PLCB4: variants seen among roughly 807,000 people sequenced by gnomAD.
PLCB4 encodes phospholipase C beta 4.
In PLCB4, 77 loss-of-function variants were observed where a neutral mutation model predicts 178.8. That is an observed-to-expected ratio of 0.43 (90% CI 0.36 to 0.52). The LOEUF (loss-of-function observed/expected upper bound fraction) is 0.52. PLCB4 is among the 20% of genes least tolerant of loss of function. The pLI, the probability that PLCB4 is intolerant of heterozygous loss-of-function variation, is 0.00. For synonymous variants in PLCB4, 496 were observed against 490.8 expected (o/e 1.01, Z -0.14); for missense variants, 1,024 against 1,453.4 (o/e 0.70, Z 4.80).
chr20:9,112,024 T>A (rs529896288), intron 2 of PLCB4, among the ~76,000 whole-genome samples: 2 of 152,286 alleles, frequency 1.3e-5, no homozygotes, highest in South Asian at 4.1e-4. Flanking sequence ...ATGCCTTACA[T>A]TTAGACCAAA....
chr20:9,344,934 C>A (rs2033639715), intron 7 of PLCB4, among the ~76,000 whole-genome samples: 1 of 152,168 alleles, frequency 6.6e-6, no homozygotes, highest in South Asian at 2.1e-4. Context: ...GTCATATTTA[C>A]CCCAAACCTA....
At chr20:9,435,081 T>A (rs2041677139) in intron 28 of PLCB4, among the ~76,000 whole-genome samples, 1 of 152,250 alleles carries the variant, frequency 6.6e-6, no homozygotes, top group South Asian at 2.1e-4. Flanking sequence ...ATATGTATTA[T>A]CCTTCTGTAT....
At chr20:9,476,676 T>C in intron 38 of PLCB4, 41 bp from the exon 39 acceptor site, 1 of 1,403,846 alleles carries the variant, frequency 7.1e-7, no homozygotes, top group South Asian at 1.2e-5. Context: ...TCGTTTTGTA[T>C]GTATGACTCA....
intron 2 of PLCB4, among the ~76,000 whole-genome samples, chr20:9,127,664 A>G (rs1301050356): frequency 4.0e-5 from 6 of 151,582 alleles, no homozygotes; most frequent in Non-Finnish European, 8.8e-5. Context: ...CTATCTATCT[A>G]TCTATCTATC....
intron 20 of PLCB4, among the ~76,000 whole-genome samples, chr20:9,404,487 C>A (rs1350628614): frequency 6.6e-6 from 1 of 151,906 alleles, no homozygotes; most frequent in East Asian, 1.9e-4. Context: ...CGCCTGTAAT[C>A]CCAGCTACTC....
chr20:9,079,807 G>A (rs1202775740), intron 1 of PLCB4, among the ~76,000 whole-genome samples: 2 of 147,874 alleles, frequency 1.4e-5, no homozygotes, highest in East Asian at 2.0e-4. Context: ...AATTTGTGGT[G>A]GGCCTTAGAG....
chr20:9,347,866 C>T (rs955575062), intron 7 of PLCB4, among the ~76,000 whole-genome samples: 5 of 152,094 alleles, frequency 3.3e-5, no homozygotes, highest in African/African-American at 1.2e-4. Context: ...TCCAGCTACT[C>T]AGGAGACTGA....
chr20:9,072,208 T>G (rs2089609439), intron 1 of PLCB4, among the ~76,000 whole-genome samples: 1 of 152,200 alleles, frequency 6.6e-6, no homozygotes, highest in South Asian at 2.1e-4. Context: ...AGATGTGAAC[T>G]GTGTTTGCAA....
chr20:9,098,741 A>ATGTGTGTGTG (rs35465129), intron 2 of PLCB4, among the ~76,000 whole-genome samples: 9,794 of 135,208 alleles, frequency 0.072, 836 homozygotes, highest in East Asian at 0.37. Flanking sequence ...ATATACATAT[A>ATGTGTGTGTG]TGTGTGTGTG....
intron 21 of PLCB4, among the ~76,000 whole-genome samples, chr20:9,406,058 A>C (rs1408800987): frequency 6.6e-6 from 1 of 152,208 alleles, no homozygotes; most frequent in East Asian, 1.9e-4. Context: ...TTGTGAGTAC[A>C]TTACTCTCTT....
In PLCB4 at chr20:9,338,048, G is replaced by A. The variant is rs369834145; in HGVS notation, c.206G>A (p.Arg69Gln). Residue 69 changes from arginine to glutamine, a missense_variant, in exon 6 of 40, where the codon CGG becomes CAG. By Grantham distance (43) the Arg-to-Gln change is conservative (BLOSUM62 1). This residue lies in a region of PLCB4 where 225 missense variants were observed against 291.0 expected (regional missense o/e 0.77). Transcript: ENST00000378473. ...VLECSLINSI[R>Q]SGAIPKDPKI... ...GAATGCTCCCTCATCAACAGTATTC[G>A]GTCGGGAGCCATACCAAAGGTACCT... 1.6e-5 allele frequency: 25 copies of A among 1,610,964 alleles called. 1 individual carries two copies. Among genetic ancestry groups the A allele is most frequent in the South Asian group, 5.5e-5 (5 of 90,984 alleles).
At chr20:9,248,977 C>T (rs1421558196) in intron 3 of PLCB4, among the ~76,000 whole-genome samples, 1 of 152,186 alleles carries the variant, frequency 6.6e-6, no homozygotes, top group African/African-American at 2.4e-5. Context: ...CCTTTCCTTC[C>T]ATTTCCAGCT....
intron 2 of PLCB4, among the ~76,000 whole-genome samples, chr20:9,125,783 A>G (rs1334320020): frequency 6.6e-6 from 1 of 152,172 alleles, no homozygotes; most frequent in Non-Finnish European, 1.5e-5. Context: ...GTATACACAT[A>G]TAATTATAGT....
intron 1 of PLCB4, among the ~76,000 whole-genome samples, chr20:9,074,553 A>G (rs2089739043): frequency 6.6e-6 from 1 of 152,132 alleles, no homozygotes. Context: ...TTCCTATAAA[A>G]TTTACAAGGG....
intron 3 of PLCB4, among the ~76,000 whole-genome samples, chr20:9,252,450 A>G (rs1421823280): frequency 3.9e-5 from 6 of 152,216 alleles, no homozygotes; most frequent in Admixed American, 6.5e-5. Flanking sequence ...TCTAATTTAG[A>G]TTTAATGTGG....
intron 19 of PLCB4, among the ~76,000 whole-genome samples, chr20:9,400,189 C>T (rs1179076276): frequency 6.6e-6 from 1 of 152,100 alleles, no homozygotes; most frequent in Non-Finnish European, 1.5e-5. Flanking sequence ...AGGAAGGTGG[C>T]TGTTTCTTTC....
chr20:9,414,442 C>T (rs558969171), intron 25 of PLCB4, among the ~76,000 whole-genome samples: 86 of 152,352 alleles, frequency 5.6e-4, no homozygotes, highest in African/African-American at 1.8e-3. Flanking sequence ...CCGTGTCACC[C>T]TTGTGGTTCT....
Position 9,257,003 on chromosome 20 carries a change from C to T in PLCB4, c.-16+39551C>T, listed in dbSNP as rs548571976. ...CATGGAGGATGATTCCATCTAAGAG[C>T]AAGATTTTATGAACTCAGAGAATCT... On this transcript the variant is annotated intron_variant, in intron 3 of 39. Coordinates refer to ENST00000378473, the MANE Select transcript of PLCB4 (RefSeq NM_001377142.1). 3.3e-5 allele frequency among the ~76,000 whole-genome samples: 5 copies of T among 152,142 alleles called. No individual in the cohort carries two copies. The East Asian group carries it at 9.7e-4, about 29-fold the overall frequency.
At chr20:9,283,452 T>C (rs1317551307) in intron 3 of PLCB4, among the ~76,000 whole-genome samples, 1 of 151,862 alleles carries the variant, frequency 6.6e-6, no homozygotes, top group Non-Finnish European at 1.5e-5. Flanking sequence ...TGGGGGACGG[T>C]TTTATGAAGT....
Sources: gnomAD v4.1 joint callset for allele counts (sites outside exome capture counted in the v4.1 genomes callset) on GRCh38, gnomAD v4.1.1 for gene constraint, gnomAD v4.1.1 regional missense constraint, MANE v1.5 for transcripts, NCBI Gene and HGNC (gene_info 2026-07-23, HGNC 2026-07-21) for gene names.